The following PARD3B variants were observed in gnomAD, a reference collection of about 807,000 sequenced individuals.
The protein encoded by PARD3B is partitioning defective 3 homolog B.
In PARD3B, 103 loss-of-function variants were observed where a neutral mutation model predicts 130.2. That is an observed-to-expected ratio of 0.79 (90% CI 0.67 to 0.93). The LOEUF (loss-of-function observed/expected upper bound fraction) is 0.93. Among genes scored for constraint, PARD3B ranks in the 40% least tolerant of loss-of-function variants. The pLI is 0.00. For missense variants in PARD3B, 1,609 were observed against 1,499.2 expected (o/e 1.07, Z -1.21); for synonymous variants, 583 against 553.2 (o/e 1.05, Z -0.76).
At chr2:204,699,191 G>A (rs987701317) in intron 2 of PARD3B, among the ~76,000 whole-genome samples, 1 of 152,206 alleles carries the variant, frequency 6.6e-6, no homozygotes, top group African/African-American at 2.4e-5. Flanking sequence ...TGCCCCTGGT[G>A]TAGCAAGTAA....
chr2:204,652,116 T>C (rs1021417706), intron 1 of PARD3B, among the ~76,000 whole-genome samples: 1 of 152,226 alleles, frequency 6.6e-6, no homozygotes, highest in Non-Finnish European at 1.5e-5. Flanking sequence ...GTCTTGGCTA[T>C]TAACATTAGG....
At chr2:204,938,087 C>T (rs1193531344) in intron 2 of PARD3B, among the ~76,000 whole-genome samples, 1 of 152,156 alleles carries the variant, frequency 6.6e-6, no homozygotes, top group Non-Finnish European at 1.5e-5. Flanking sequence ...GAAAACCATG[C>T]CTACTACTTC....
At chr2:204,823,788 A>G (rs1225476998) in intron 2 of PARD3B, among the ~76,000 whole-genome samples, 2 of 152,022 alleles carry the variant, frequency 1.3e-5, no homozygotes, top group African/African-American at 4.8e-5. Flanking sequence ...AATAATACAA[A>G]AATTATTCAG....
At chr2:205,595,526 G>A (rs748317703) in intron 22 of PARD3B, among the ~76,000 whole-genome samples, 5 of 152,066 alleles carry the variant, frequency 3.3e-5, no homozygotes, top group African/African-American at 4.8e-5. Flanking sequence ...CTGCAGCTTC[G>A]TGACTGATTT....
intron 21 of PARD3B, among the ~76,000 whole-genome samples, chr2:205,547,339 T>C (rs1424130600): frequency 6.6e-6 from 1 of 152,166 alleles, no homozygotes; most frequent in Non-Finnish European, 1.5e-5. Flanking sequence ...CCAATCACCA[T>C]CTCATTGCCG....
intron 2 of PARD3B, among the ~76,000 whole-genome samples, chr2:204,737,117 A>G (rs1005156438): frequency 9.9e-5 from 15 of 152,228 alleles, no homozygotes; most frequent in Admixed American, 3.3e-4. Context: ...GAATTACAGC[A>G]CATGCCACCA....
In PARD3B at chr2:204,919,361, C is replaced by T. The variant is rs10196905; in HGVS notation, c.223-45791C>T. Among the ~76,000 whole-genome samples, 1,489 of 152,236 alleles carry T rather than the reference C, an allele frequency of 9.8e-3. 14 individuals are homozygous for T. The highest frequency in any genetic ancestry group is 0.03 in the African/African-American group (1,242 of 41,530). Reference sequence around the variant, plus strand: ...TGTAAACTCCTATCAAGATATGAAACACTGCAACCACTTCCGAAAATCACC... The same window carrying T: ...TGTAAACTCCTATCAAGATATGAAATACTGCAACCACTTCCGAAAATCACC... On this transcript the variant is annotated intron_variant, in intron 2 of 22. Transcript: ENST00000406610.
In PARD3B at chr2:205,287,391, G is replaced by A. The variant is rs569439002; in HGVS notation, c.2186-13139G>A. On this transcript the variant is annotated intron_variant, in intron 16 of 22. Transcript: ENST00000406610. The surrounding 1 kb of genome is among the most constrained non-coding windows in gnomAD (Gnocchi z 4.8). Reference sequence around the variant, plus strand: ...GTCTCCATGTCAGCAGTACTCTCTCGTGCAGTTCTGGTTCCTCTCTTCAGA... The same window carrying A: ...GTCTCCATGTCAGCAGTACTCTCTCATGCAGTTCTGGTTCCTCTCTTCAGA... Among the ~76,000 whole-genome samples the A allele has an allele frequency of 4.6e-5, 7 of 152,274 alleles. No homozygotes were observed. Among genetic ancestry groups the A allele is most frequent in the South Asian group, 2.1e-4 (1 of 4,816 alleles).
At chr2:204,627,718 T>C (rs2034535255) in intron 1 of PARD3B, among the ~76,000 whole-genome samples, 1 of 152,164 alleles carries the variant, frequency 6.6e-6, no homozygotes, top group Admixed American at 6.6e-5. Context: ...ATGAATATAC[T>C]ATGTTTGTGC....
intron 16 of PARD3B, among the ~76,000 whole-genome samples, chr2:205,266,315 C>T (rs1348364387): frequency 6.6e-6 from 1 of 151,958 alleles, no homozygotes; most frequent in African/African-American, 2.4e-5. Flanking sequence ...TTATTTAATT[C>T]AAGATGCAGT....
chr2:204,789,137 G>T (rs958130321), intron 2 of PARD3B, among the ~76,000 whole-genome samples: 1 of 152,106 alleles, frequency 6.6e-6, no homozygotes, highest in Non-Finnish European at 1.5e-5. Flanking sequence ...GCTCACTGCA[G>T]CCTCTAAGTC....
chr2:205,030,487 C>G (rs1291143791), intron 3 of PARD3B, among the ~76,000 whole-genome samples: 3 of 152,046 alleles, frequency 2.0e-5, no homozygotes, highest in Non-Finnish European at 2.9e-5. Flanking sequence ...AAATGTGTTG[C>G]TTCTAAAATG....
At chr2:204,841,103 G>A (rs1175258608) in intron 2 of PARD3B, among the ~76,000 whole-genome samples, 3 of 152,102 alleles carry the variant, frequency 2.0e-5, no homozygotes, top group African/African-American at 7.2e-5. Flanking sequence ...ACAACACAAA[G>A]AAGCTTGTTC....
intron 12 of PARD3B, among the ~76,000 whole-genome samples, chr2:205,175,821 C>T (rs2035435327): frequency 6.6e-6 from 1 of 152,162 alleles, no homozygotes; most frequent in African/African-American, 2.4e-5. Flanking sequence ...AGGGGTGTTA[C>T]TCTGGATACA....
chr2:204,735,373 T>C (rs901934359), intron 2 of PARD3B, among the ~76,000 whole-genome samples: 7 of 152,118 alleles, frequency 4.6e-5, no homozygotes, highest in African/African-American at 1.7e-4. Context: ...ATTGTTTAAT[T>C]TGAATCTAAA....
In PARD3B at chr2:205,592,499, C is replaced by A. The variant is rs369771229; in HGVS notation, c.3261-22957C>A. ...GGCACTGGAGAGTGAACGGTGAACT[C>A]GGTAATAGTCCTTACCATCACAGAG... is the stretch of plus-strand genomic sequence containing the variant. On this transcript the variant is annotated intron_variant, in intron 22 of 22. Transcript: ENST00000406610. This position sits in a 1 kb window ranked among gnomAD's most constrained non-coding sequence, Gnocchi z 4.5. 1.3e-5 allele frequency among the ~76,000 whole-genome samples: 2 copies of A among 152,134 alleles called. No individual in the cohort carries two copies. Among genetic ancestry groups the A allele is most frequent in the Non-Finnish European group, 2.9e-5 (2 of 68,022 alleles).
chr2:204,856,518 T>C (rs931525575), intron 2 of PARD3B, among the ~76,000 whole-genome samples: 2 of 152,184 alleles, frequency 1.3e-5, no homozygotes, highest in African/African-American at 2.4e-5. Context: ...GTTTCCTTTG[T>C]TGTGCAGAGG....
chr2:204,553,945 C>T (rs1378473160), intron 1 of PARD3B, among the ~76,000 whole-genome samples: 1 of 151,784 alleles, frequency 6.6e-6, no homozygotes, highest in Non-Finnish European at 1.5e-5. Context: ...GCCGTGCATA[C>T]TGCTCAGGTG....
In PARD3B at chr2:205,585,185, G is replaced by T. The variant is rs1189865568; in HGVS notation, c.3261-30271G>T. Among the ~76,000 whole-genome samples, 1 of 152,176 alleles carries T rather than the reference G, an allele frequency of 6.6e-6. No homozygotes were observed. On this transcript the variant is annotated intron_variant, in intron 22 of 22. Coordinates refer to ENST00000406610, the MANE Select transcript of PARD3B (RefSeq NM_001302769.2). The surrounding 1 kb of genome is among the most constrained non-coding windows in gnomAD (Gnocchi z 5.4). ...TTTTTTGTGGAATGCCTGCCTAGGT[G>T]TTTATGGCAAGAGGCATATTTGGAA...
Sources: gnomAD v4.1 joint callset for allele counts (sites outside exome capture counted in the v4.1 genomes callset) on GRCh38, gnomAD v4.1.1 for gene constraint, Gnocchi (gnomAD v3.1) non-coding constraint, MANE v1.5 for transcripts, NCBI Gene and HGNC (gene_info 2026-07-23, HGNC 2026-07-21) for gene names.